The following SMG1 variants were observed in gnomAD, a reference collection of about 807,000 sequenced individuals.
SMG1 encodes the protein SMG1 nonsense mediated mRNA decay associated PI3K related kinase.
A neutral mutation model predicts 419.9 loss-of-function variants in SMG1; 22 were observed. The observed-to-expected ratio is 0.05, with a 90% CI of 0.04 to 0.07. SMG1 has a LOEUF of 0.07. Ranked by LOEUF, SMG1 falls within the 10% of genes least tolerant of loss-of-function variation. The pLI, the probability that SMG1 is intolerant of heterozygous loss-of-function variation, is 1.00. For missense variants in SMG1, 3,185 were observed against 4,342.0 expected, an observed-to-expected ratio of 0.73 and a Z score of 7.49; for synonymous variants, 1,538 against 1,553.5, an observed-to-expected ratio of 0.99 and a Z score of 0.23.
chr16:18,833,435 C>T (rs1349158264), intron 50 of SMG1, among the ~76,000 whole-genome samples: 1 of 151,284 alleles, frequency 6.6e-6, no homozygotes, highest in East Asian at 1.9e-4. Context: ...GATGATGTAC[C>T]TTAAGAACAA....
rs778649750 is a variant in SMG1 at position 18,832,968 on chromosome 16, TTTC to T, written c.8761_8763del (p.Glu2921del). On this transcript the variant is annotated inframe_deletion, in exon 51 of 63. Coordinates refer to ENST00000446231, the MANE Select transcript of SMG1 (RefSeq NM_015092.5). ...GCAACATCGATGTAATGAGCATGTG[TTTC>T]TTCTTCCAGTCCCATAGCTGCGTTT... 1.2e-6 allele frequency: 2 copies of T among 1,613,830 alleles called. No individual in the cohort carries two copies. The highest frequency in any genetic ancestry group is 2.7e-5 in the African/African-American group (2 of 74,900).
chr16:18,892,430 A>G, intron 3 of SMG1, 76 bp from the exon 4 acceptor site: 1 of 1,181,032 alleles, frequency 8.5e-7, no homozygotes. Context: ...CAAATTAAAA[A>G]TTATTTAAAT....
chr16:18,846,268 C>T lies in SMG1; in HGVS notation c.5997-617G>A, dbSNP rs564616158. On this transcript the variant is annotated intron_variant, in intron 38 of 62. Coordinates refer to ENST00000446231, the MANE Select transcript of SMG1 (RefSeq NM_015092.5). ...AAAGACCTAAACTTAAAAGCTAGAA[C>T]TACAAAACTCTTAGAAGAAAACATA... Among the ~76,000 whole-genome samples the T allele has an allele frequency of 2.7e-4, 41 of 152,182 alleles. 1 individual carries two copies. In the South Asian group the frequency reaches 7.3e-3, roughly 27 times the overall value.
At chr16:18,827,757 TG>T (rs2032840938) in intron 55 of SMG1, among the ~76,000 whole-genome samples, 1 of 145,682 alleles carries the variant, frequency 6.9e-6, no homozygotes, top group Admixed American at 7.0e-5. Context: ...TATATATCTT[TG>T]GTATAAATAT....
At chr16:18,839,672 A>G in intron 42 of SMG1, 26 bp downstream of exon 42, 1 of 1,613,162 alleles carries the variant, frequency 6.2e-7, no homozygotes, top group Non-Finnish European at 8.5e-7. Context: ...ACTACTACTG[A>G]GTATAGTCTA....
intron 56 of SMG1, among the ~76,000 whole-genome samples, chr16:18,817,829 T>C (rs2032148732): frequency 6.6e-6 from 1 of 152,250 alleles, no homozygotes; most frequent in African/African-American, 2.4e-5. Context: ...GTTCCCCTTC[T>C]GCTTCTATTC....
intron 10 of SMG1, among the ~76,000 whole-genome samples, chr16:18,881,655 C>T (rs1344397279): frequency 7.9e-5 from 12 of 152,110 alleles, no homozygotes. Context: ...ACATACAGTG[C>T]AGCTAATGTT....
intron 1 of SMG1, chr16:18,911,221 A>G (rs1338139651): frequency 6.6e-6 from 1 of 152,172 alleles, no homozygotes; most frequent in Non-Finnish European, 1.5e-5. Flanking sequence ...ATGTAGAAGG[A>G]GGGCAGGCAT....
chr16:18,851,278 T>G (rs1463081268), intron 33 of SMG1, among the ~76,000 whole-genome samples: 1 of 152,244 alleles, frequency 6.6e-6, no homozygotes, highest in Non-Finnish European at 1.5e-5. Context: ...AATAATATAT[T>G]GCTTTGGCAT....
At chr16:18,829,168 G>T in intron 54 of SMG1, 118 bp downstream of exon 54, 2 of 769,726 alleles carry the variant, frequency 2.6e-6, no homozygotes, top group Non-Finnish European at 4.1e-6. Flanking sequence ...GTTTGCATTG[G>T]GTTGCTGTGA....
intron 1 of SMG1, among the ~76,000 whole-genome samples, chr16:18,922,313 A>G (rs1267375093): frequency 6.6e-6 from 1 of 152,228 alleles, no homozygotes; most frequent in Non-Finnish European, 1.5e-5. Flanking sequence ...GGCAACCTCC[A>G]TAGGTCAGAT....
At chr16:18,871,002 A>G (rs1354678530) in intron 16 of SMG1, 114 bp from the exon 17 acceptor site, 1 of 668,888 alleles carries the variant, frequency 1.5e-6, no homozygotes, top group Non-Finnish European at 2.6e-6. Context: ...TGCCTACTAT[A>G]GACTAGGCAC....
rs2033029646 is a variant in SMG1, at chr16:18,829,705, C to T, written c.9184G>A (p.Val3062Ile). 6.2e-6 allele frequency: 10 copies of T among 1,613,756 alleles called. No individual in the cohort carries two copies. The highest frequency in any genetic ancestry group is 1.3e-5 in the African/African-American group (1 of 74,918). Residue 3062 changes from valine to isoleucine, a missense_variant, in exon 54 of 63, where the codon GTC (valine) becomes ATC (isoleucine). Coordinates refer to ENST00000446231, the MANE Select transcript of SMG1 (RefSeq NM_015092.5). ...QNTVNGPVQI[V>I]NVKTLFRNSC... Reference sequence around the variant, plus strand: ...TTTCTAAAAAGGGTTTTCACATTGACAATCTGTACAGGCCCATTCACAGTA... The same window carrying T: ...TTTCTAAAAAGGGTTTTCACATTGATAATCTGTACAGGCCCATTCACAGTA...
chr16:18,840,007 G>A, intron 41 of SMG1, 61 bp from the exon 42 acceptor site: 1 of 1,338,690 alleles, frequency 7.5e-7, no homozygotes, highest in Non-Finnish European at 1.0e-6. Context: ...GAAAAAGAGT[G>A]CCTTTTGTAT....
At chr16:18,809,667 G>C in intron 62 of SMG1, 21 bp from the exon 63 acceptor site, 1 of 1,549,428 alleles carries the variant, frequency 6.5e-7, no homozygotes, top group Non-Finnish European at 8.8e-7. Flanking sequence ...AGGCAGGATA[G>C]TATGTAAAGT....
rs754007738 is a variant in SMG1, at chr16:18,870,787, T to C, written c.2390+14A>G. On this transcript the variant is annotated intron_variant, in intron 17 of 62. Coordinates refer to ENST00000446231, the MANE Select transcript of SMG1 (RefSeq NM_015092.5). ...TTAGGGTTAATGTCAAAAGACATGA[T>C]CTTAATTTCATACCTCTGTAAAAGA... The C allele has an allele frequency of 1.6e-5, 25 of 1,548,664 alleles. No homozygotes were observed. Among genetic ancestry groups the C allele is most frequent in the Non-Finnish European group, 2.2e-5 (25 of 1,138,018 alleles).
At chr16:18,858,804 A>C (rs1337463536) in intron 28 of SMG1, 3 of 438,748 alleles carry the variant, frequency 6.8e-6, no homozygotes, top group Non-Finnish European at 1.2e-5. Context: ...GAAGGAAAAA[A>C]CTGAGCAATT....
At chr16:18,855,380 T>A (rs2034840564) in intron 29 of SMG1, among the ~76,000 whole-genome samples, 1 of 152,166 alleles carries the variant, frequency 6.6e-6, no homozygotes, top group Non-Finnish European at 1.5e-5. Context: ...TCCCACTGCA[T>A]ACTCTCCCTG....
intron 10 of SMG1, among the ~76,000 whole-genome samples, chr16:18,880,722 G>GGC (rs1555501208): frequency 2.6e-4 from 8 of 30,944 alleles, no homozygotes; most frequent in Non-Finnish European, 5.1e-4. Context: ...AAAAAAAAAA[G>GGC]GGGGGGGGCG....
Sources: gnomAD v4.1 joint callset for allele counts (sites outside exome capture counted in the v4.1 genomes callset) on GRCh38, gnomAD v4.1.1 for gene constraint, MANE v1.5 for transcripts, NCBI Gene and HGNC (gene_info 2026-07-23, HGNC 2026-07-21) for gene names.